ALX1: variants seen among roughly 807,000 people sequenced by gnomAD.
ALX1 encodes the protein ALX homeobox protein 1.
In ALX1, 19 loss-of-function variants were observed where a neutral mutation model predicts 31.7. The ratio of observed to expected loss-of-function variants is 0.60; its 90% CI spans 0.42 to 0.88. ALX1 has a LOEUF of 0.88. Among genes scored for constraint, ALX1 ranks in the 40% least tolerant of loss-of-function variants. The pLI, the probability that ALX1 is intolerant of heterozygous loss-of-function variation, is 0.00. For synonymous variants in ALX1, 153 were observed against 148.8 expected, an observed-to-expected ratio of 1.03 and a Z score of -0.20; for missense variants, 415 against 407.8, an observed-to-expected ratio of 1.02 and a Z score of -0.15.
intron 3 of ALX1, among the ~76,000 whole-genome samples, chr12:85,288,973 C>T (rs753570936): frequency 5.9e-5 from 9 of 151,396 alleles, no homozygotes; most frequent in Non-Finnish European, 1.0e-4. Flanking sequence ...TGACTTTAGA[C>T]GTAATAAAGT....
chr12:85,301,493 T>C lies in ALX1; in HGVS notation c.*18T>C, dbSNP rs535789993. 1 of 1,611,060 alleles carries C rather than the reference T, an allele frequency of 6.2e-7. No individual in the cohort carries two copies. Among genetic ancestry groups the C allele is most frequent in the Non-Finnish European group, 8.5e-7 (1 of 1,178,676 alleles). On this transcript the variant is annotated 3_prime_UTR_variant, in exon 4 of 4. Coordinates refer to ENST00000316824, the MANE Select transcript of ALX1 (RefSeq NM_006982.3). ...CCATGTAACATACAGTACTCTTTTA[T>C]TTTTCTTTTAATAGCAAAGTTAAAC...
intron 3 of ALX1, among the ~76,000 whole-genome samples, chr12:85,294,121 T>G (rs2137388758): frequency 6.6e-6 from 1 of 151,366 alleles, no homozygotes; most frequent in East Asian, 1.9e-4. Flanking sequence ...GCAAGATCTC[T>G]AAAATTAAAA....
intron 3 of ALX1, among the ~76,000 whole-genome samples, chr12:85,294,336 A>G (rs1395949375): frequency 6.6e-6 from 1 of 151,132 alleles, no homozygotes; most frequent in Non-Finnish European, 1.5e-5. Flanking sequence ...TACATGAAAA[A>G]TAATGCAACA....
rs1353718242 is a variant in ALX1 at position 85,293,445 on chromosome 12, T to C, written c.660+6464T>C. On this transcript the variant is annotated intron_variant, in intron 3 of 3. Coordinates refer to ENST00000316824, the MANE Select transcript of ALX1 (RefSeq NM_006982.3). Reference sequence around the variant, plus strand: ...TTAATAAAAATGAAACATTTCATTTTTATTAAAACTTTAATTAATTTTTAT... The same window carrying C: ...TTAATAAAAATGAAACATTTCATTTCTATTAAAACTTTAATTAATTTTTAT... Among the ~76,000 whole-genome samples the C allele has an allele frequency of 3.3e-5, 5 of 150,594 alleles. No individual in the cohort carries two copies. The South Asian group carries it at 8.3e-4, about 25-fold the overall frequency.
At position 85,301,392 on chromosome 12, in the gene ALX1, G is replaced by T; in HGVS notation, c.898G>T (p.Glu300Ter). Residue 300 changes from glutamate to a stop codon, truncating the protein, a stop_gained, in exon 4 of 4, where the codon GAG becomes TAG. Transcript: ENST00000316824. LOFTEE classifies it high-confidence loss of function. ...TNGHAFETKP[E>*]FERRSSSIAV... ...TGGACATGCATTTGAAACAAAGCCAGAGTTTGAAAGGAGGTCTTCCAGTAT... is the reference window on the plus strand; with the variant it reads ...TGGACATGCATTTGAAACAAAGCCATAGTTTGAAAGGAGGTCTTCCAGTAT... The T allele has an allele frequency of 6.2e-7, 1 of 1,614,090 alleles. No homozygotes were observed. The highest frequency in any genetic ancestry group is 8.5e-7 in the Non-Finnish European group (1 of 1,179,976).
chr12:85,290,312 T>C (rs932034880), intron 3 of ALX1, among the ~76,000 whole-genome samples: 2 of 151,202 alleles, frequency 1.3e-5, no homozygotes, highest in African/African-American at 2.4e-5. Flanking sequence ...CTTGTATCTA[T>C]TAACCTGTTT....
intron 3 of ALX1, among the ~76,000 whole-genome samples, chr12:85,288,587 T>A (rs1340336453): frequency 6.6e-6 from 1 of 151,460 alleles, no homozygotes; most frequent in Non-Finnish European, 1.5e-5. Context: ...GTCTTCATGG[T>A]TATTAACACT....
intron 1 of ALX1, 69 bp from the exon 2 acceptor site, chr12:85,283,503 T>C: frequency 6.7e-7 from 1 of 1,496,808 alleles, no homozygotes; most frequent in East Asian, 2.3e-5. Context: ...CAATTACTTC[T>C]ACTTATTGAT....
At chr12:85,281,943 A>G (rs77383940) in intron 1 of ALX1, among the ~76,000 whole-genome samples, 59 of 152,368 alleles carry the variant, frequency 3.9e-4, no homozygotes, top group African/African-American at 1.4e-3. Flanking sequence ...AATAAGAGAC[A>G]TAATTGATGC....
chr12:85,299,696 T>G (rs1896937832), intron 3 of ALX1, among the ~76,000 whole-genome samples: 1 of 151,844 alleles, frequency 6.6e-6, no homozygotes, highest in South Asian at 2.1e-4. Flanking sequence ...AGTCCTTTCT[T>G]GAGTGACAGA....
intron 3 of ALX1, among the ~76,000 whole-genome samples, chr12:85,293,107 T>C (rs191344747): frequency 2.9e-4 from 43 of 150,714 alleles, no homozygotes; most frequent in African/African-American, 9.7e-4. Flanking sequence ...TTGCACAATT[T>C]GTCACTGATA....
At chr12:85,299,496 TTC>T (rs1240395702) in intron 3 of ALX1, among the ~76,000 whole-genome samples, 1 of 151,536 alleles carries the variant, frequency 6.6e-6, no homozygotes, top group Admixed American at 6.6e-5. Context: ...ATATGTAGAT[TTC>T]TCTCTTTGTC....
At chr12:85,291,499 T>C (rs1483616936) in intron 3 of ALX1, among the ~76,000 whole-genome samples, 2 of 151,164 alleles carry the variant, frequency 1.3e-5, no homozygotes, top group Non-Finnish European at 3.0e-5. Context: ...AATAATTATT[T>C]TAGTGAATAA....
At chr12:85,294,621 AC>A (rs1896862666) in intron 3 of ALX1, among the ~76,000 whole-genome samples, 1 of 151,188 alleles carries the variant, frequency 6.6e-6, no homozygotes, top group East Asian at 1.9e-4. Flanking sequence ...AAATGTAAAC[AC>A]ATTTATATGA....
Position 85,284,193 on chromosome 12 carries a change from G to A in ALX1, c.531+317G>A, listed in dbSNP as rs138733435. Reference sequence around the variant, plus strand: ...TTTAAAGGATGAAAAGCAGAATCATGACTATTTAGTAATTGGTATATTTAT... The same window carrying A: ...TTTAAAGGATGAAAAGCAGAATCATAACTATTTAGTAATTGGTATATTTAT... On this transcript the variant is annotated intron_variant, in intron 2 of 3. Coordinates refer to ENST00000316824, the MANE Select transcript of ALX1 (RefSeq NM_006982.3). Among the ~76,000 whole-genome samples, 615 of 148,210 alleles carry A rather than the reference G, an allele frequency of 4.1e-3. 2 individuals carry two copies. The highest frequency in any genetic ancestry group is 0.015 in the African/African-American group (584 of 40,266).
chr12:85,293,122 A>G (rs991483470), intron 3 of ALX1, among the ~76,000 whole-genome samples: 2 of 150,614 alleles, frequency 1.3e-5, no homozygotes, highest in African/African-American at 4.8e-5. Flanking sequence ...CTGATAATAA[A>G]CACAAATATT....
At chr12:85,282,278 A>G (rs144881365) in intron 1 of ALX1, among the ~76,000 whole-genome samples, 1 of 152,254 alleles carries the variant, frequency 6.6e-6, no homozygotes, top group African/African-American at 2.4e-5. Context: ...ATAGTTGTAT[A>G]TATTTATGGG....
At chr12:85,292,480 G>A (rs1896830985) in intron 3 of ALX1, among the ~76,000 whole-genome samples, 1 of 150,928 alleles carries the variant, frequency 6.6e-6, no homozygotes, top group African/African-American at 2.4e-5. Flanking sequence ...ACAGTGTCTT[G>A]TCTTCCGTTG....
rs145944049 is a variant in ALX1, at chr12:85,280,451, C to T, written c.190C>T (p.Arg64Cys). ...CCTGCCCCGCGCCGAGCATCACGTG[C>T]GCTTGGAGAGGACCTCGCCCTGTCA... ...GPLPRAEHHV[R>C]LERTSPCQDS... Residue 64 changes from arginine to cysteine, a missense_variant, in exon 1 of 4, where the codon CGC becomes TGC. Around this residue, in one of 3 missense-constraint regions of ALX1, gnomAD observed 235 missense variants for 208.9 expected, o/e 1.13. Coordinates refer to ENST00000316824, the MANE Select transcript of ALX1 (RefSeq NM_006982.3). 2.7e-3 allele frequency: 4,402 copies of T among 1,611,938 alleles called. 9 individuals carry two copies. The highest frequency in any genetic ancestry group is 3.2e-3 in the Non-Finnish European group (3,754 of 1,179,996).
Sources: gnomAD v4.1 joint callset for allele counts (sites outside exome capture counted in the v4.1 genomes callset) on GRCh38, gnomAD v4.1.1 for gene constraint, gnomAD v4.1.1 regional missense constraint, MANE v1.5 for transcripts, NCBI Gene and HGNC (gene_info 2026-07-23, HGNC 2026-07-21) for gene names.